The following ANOS1 variants were observed in gnomAD, a reference collection of about 807,000 sequenced individuals.
ANOS1 encodes the protein anosmin-1.
In ANOS1, 6 loss-of-function variants were observed where a neutral mutation model predicts 59.0. The observed-to-expected ratio is 0.10, with a 90% CI of 0.06 to 0.20. ANOS1 has a LOEUF of 0.20. Among genes scored for constraint, ANOS1 ranks in the 10% least tolerant of loss-of-function variants. ANOS1 has a pLI of 1.00. For missense variants in ANOS1, 433 were observed against 542.3 expected (o/e 0.80, Z 2.00); for synonymous variants, 217 against 223.4 (o/e 0.97, Z 0.25).
At chrX:8,721,634 C>G (rs139622597) in intron 1 of ANOS1, among the ~76,000 whole-genome samples, 1,306 of 111,826 alleles carry the variant, frequency 0.012, 63 homozygotes, top group Admixed American at 0.11. Flanking sequence ...TTCTTAGGCT[C>G]TTTCTTAGAG....
chrX:8,687,514 G>C (rs1393693486), intron 2 of ANOS1, among the ~76,000 whole-genome samples: 1 of 108,170 alleles, frequency 9.2e-6, no homozygotes, highest in Non-Finnish European at 1.9e-5. Context: ...AGGGAGAAGG[G>C]AGTATCTGAC....
chrX:8,605,227 C>T (rs1930917633), intron 3 of ANOS1, among the ~76,000 whole-genome samples: 1 of 110,064 alleles, frequency 9.1e-6, no homozygotes, highest in South Asian at 3.9e-4. Context: ...CCCTCCCTAA[C>T]CTGGCCAAAG....
intron 2 of ANOS1, among the ~76,000 whole-genome samples, chrX:8,641,477 T>C (rs1334200244): frequency 4.5e-5 from 5 of 112,039 alleles, no homozygotes; most frequent in Non-Finnish European, 9.4e-5. Context: ...AGAAAAACAG[T>C]ATCCACTGGA....
At chrX:8,675,957 TG>T (rs1932331917) in intron 2 of ANOS1, among the ~76,000 whole-genome samples, 1 of 103,040 alleles carries the variant, frequency 9.7e-6, no homozygotes, top group African/African-American at 3.6e-5. Flanking sequence ...GAATATGAGG[TG>T]TTTGGTTTTC....
intron 2 of ANOS1, among the ~76,000 whole-genome samples, chrX:8,676,089 T>G (rs1263547026): frequency 9.0e-6 from 1 of 111,451 alleles, no homozygotes; most frequent in Non-Finnish European, 1.9e-5. Flanking sequence ...TACATTTTCT[T>G]TATCCGGTGT....
At chrX:8,596,985 A>C (rs1930748254) in intron 4 of ANOS1, 49 bp downstream of exon 4, 23 of 1,208,714 alleles carry the variant, frequency 1.9e-5, no homozygotes, top group Non-Finnish European at 2.5e-5. Context: ...GCACACACAG[A>C]TATATGTGAC....
intron 9 of ANOS1, among the ~76,000 whole-genome samples, chrX:8,547,210 C>T (rs1929783122): frequency 9.0e-6 from 1 of 111,527 alleles, no homozygotes; most frequent in Admixed American, 9.6e-5. Context: ...TCCCTCTCCT[C>T]CATGTAGAAC....
rs1320702253 is a variant in ANOS1 at position 8,534,376 on chromosome X, C to T, written c.1927G>A (p.Gly643Arg). The T allele has an allele frequency of 1.7e-6, 2 of 1,210,882 alleles. No individual in the cohort carries two copies. Among genetic ancestry groups the T allele is most frequent in the East Asian group, 5.9e-5 (2 of 33,792 alleles). Residue 643 changes from glycine to arginine, a missense_variant, in exon 13 of 14, where the codon GGG (glycine) becomes AGG (arginine). Gly to Arg is a moderately radical substitution (Grantham distance 125). Transcript: ENST00000262648. ...EVQVLTPGGEGPATIKTFRTP... is the reference protein window; with the variant it reads ...EVQVLTPGGERPATIKTFRTP... ...CGGAACGTCTTGATGGTGGCCGGCC[C>T]CTCCCCTCCTGGGGTCAGCACTTGC... is the stretch of plus-strand genomic sequence containing the variant.
At chrX:8,613,214 C>A (rs747395727) in intron 3 of ANOS1, among the ~76,000 whole-genome samples, 1 of 103,410 alleles carries the variant, frequency 9.7e-6, no homozygotes, top group African/African-American at 3.5e-5. Context: ...CTTGTTCCTT[C>A]TTTTTTTTTT....
At chrX:8,605,230 G>A (rs1429685324) in intron 3 of ANOS1, among the ~76,000 whole-genome samples, 2 of 109,510 alleles carry the variant, frequency 1.8e-5, no homozygotes. Context: ...TCCCTAACCT[G>A]GCCAAAGGGT....
intron 6 of ANOS1, among the ~76,000 whole-genome samples, chrX:8,577,591 C>T (rs1601962060): frequency 8.9e-6 from 1 of 112,340 alleles, no homozygotes. Context: ...CATGTATACC[C>T]AATTTCAGCC....
chrX:8,705,434 C>T (rs2146902263), intron 1 of ANOS1, among the ~76,000 whole-genome samples: 1 of 111,433 alleles, frequency 9.0e-6, no homozygotes, highest in African/African-American at 3.3e-5. Context: ...ATAATTGCCC[C>T]CATGCCAAGG....
At chrX:8,653,548 A>G (rs1455033388) in intron 2 of ANOS1, among the ~76,000 whole-genome samples, 2 of 111,433 alleles carry the variant, frequency 1.8e-5, no homozygotes, top group Admixed American at 1.9e-4. Context: ...GTACTTCCCC[A>G]CATACCTACA....
intron 3 of ANOS1, among the ~76,000 whole-genome samples, chrX:8,619,070 C>CAAAAAAAAAA (rs1164164251): frequency 5.7e-4 from 25 of 43,958 alleles, no homozygotes; most frequent in East Asian, 1.3e-3. Flanking sequence ...AAACCTCTCT[C>CAAAAAAAAAA]AAAAAAAAAA....
At chrX:8,698,722 G>A (rs1490994234) in intron 2 of ANOS1, among the ~76,000 whole-genome samples, 3 of 111,516 alleles carry the variant, frequency 2.7e-5, no homozygotes, top group Non-Finnish European at 3.8e-5. Context: ...TAACATTCAC[G>A]TAGGAACTCT....
chrX:8,648,857 G>T (rs1032672894), intron 2 of ANOS1, among the ~76,000 whole-genome samples: 1 of 111,903 alleles, frequency 8.9e-6, no homozygotes, highest in Non-Finnish European at 1.9e-5. Context: ...TAAATGCAAA[G>T]ATTAGTCCTG....
At chrX:8,656,154 C>G in intron 2 of ANOS1, among the ~76,000 whole-genome samples, 1 of 112,512 alleles carries the variant, frequency 8.9e-6, no homozygotes, top group Non-Finnish European at 1.9e-5. Context: ...CCACTACCTG[C>G]ACATCTCCAC....
intron 2 of ANOS1, among the ~76,000 whole-genome samples, chrX:8,651,488 CA>C (rs2146864424): frequency 8.9e-6 from 1 of 112,260 alleles, no homozygotes; most frequent in African/African-American, 3.2e-5. Context: ...AATCCTTTTT[CA>C]AAGCTATGTT....
intron 3 of ANOS1, among the ~76,000 whole-genome samples, chrX:8,609,823 C>T (rs772997240): frequency 7.4e-5 from 8 of 108,131 alleles, no homozygotes; most frequent in East Asian, 5.9e-4. Flanking sequence ...CTGGCTAACA[C>T]GGTGAAACCC....
Sources: gnomAD v4.1 joint callset for allele counts (sites outside exome capture counted in the v4.1 genomes callset) on GRCh38, gnomAD v4.1.1 for gene constraint, MANE v1.5 for transcripts, NCBI Gene and HGNC (gene_info 2026-07-23, HGNC 2026-07-21) for gene names.